Variants in ZNF638 observed in about 807,000 individuals in gnomAD.
The protein encoded by ZNF638 is CTCL tumor antigen se33-1.
A neutral mutation model predicts 195.6 loss-of-function variants in ZNF638; 46 were observed. That is an observed-to-expected ratio of 0.24 (90% CI 0.19 to 0.30). The LOEUF (loss-of-function observed/expected upper bound fraction) is 0.30. ZNF638 is among the 10% of genes least tolerant of loss of function. ZNF638 has a pLI of 1.00. For missense variants in ZNF638, 2,440 were observed against 2,325.3 expected (o/e 1.05, Z -1.01); for synonymous variants, 845 against 772.0 (o/e 1.09, Z -1.57).
At chr2:71,352,785 G>A (rs1187426732) in intron 2 of ZNF638, among the ~76,000 whole-genome samples, 1 of 152,140 alleles carries the variant, frequency 6.6e-6, no homozygotes, top group African/African-American at 2.4e-5. Flanking sequence ...ATGATGTGGA[G>A]TAGGACTTCC....
At chr2:71,371,421 A>G (rs2079310292) in intron 8 of ZNF638, among the ~76,000 whole-genome samples, 1 of 152,154 alleles carries the variant, frequency 6.6e-6, no homozygotes, top group South Asian at 2.1e-4. Context: ...GGACCCTTCA[A>G]AATGTTCTCC....
At chr2:71,365,221 CAATCT>C (rs1558844644) in intron 5 of ZNF638, among the ~76,000 whole-genome samples, 1 of 152,064 alleles carries the variant, frequency 6.6e-6, no homozygotes, top group African/African-American at 2.4e-5. Context: ...AAGTGTAAAG[CAATCT>C]CAAAACCAAA....
intron 10 of ZNF638, chr2:71,395,578 C>A (rs569500573): frequency 1.0e-5 from 6 of 584,520 alleles, no homozygotes; most frequent in Admixed American, 2.5e-5. Context: ...CATCCTATTG[C>A]GCGCAGGACT....
chr2:71,358,954 A>G (rs1471551824), intron 3 of ZNF638, among the ~76,000 whole-genome samples: 3 of 152,204 alleles, frequency 2.0e-5, no homozygotes, highest in Non-Finnish European at 4.4e-5. Context: ...TTTTAGCAAT[A>G]AAGTACTTTT....
chr2:71,363,279 C>G, intron 4 of ZNF638, 88 bp downstream of exon 4: 1 of 1,001,892 alleles, frequency 1.0e-6, no homozygotes, highest in Non-Finnish European at 1.5e-6. Context: ...CTTTTGAGTT[C>G]TACTTCTGCC....
chr2:71,384,243 A>C (rs1275113809), intron 10 of ZNF638, among the ~76,000 whole-genome samples: 1 of 152,182 alleles, frequency 6.6e-6, no homozygotes, highest in Non-Finnish European at 1.5e-5. Context: ...ACTTTGGAAG[A>C]TAGCCTCCTG....
At chr2:71,394,670 G>A (rs560771715) in intron 10 of ZNF638, among the ~76,000 whole-genome samples, 1 of 152,168 alleles carries the variant, frequency 6.6e-6, no homozygotes, top group Admixed American at 6.5e-5. Context: ...AACATGCCCT[G>A]TCCCAGGTCA....
rs765900622 is a variant in ZNF638, at chr2:71,427,246, G to C, written c.5377G>C (p.Glu1793Gln). ...EEDGDNDLKVELAQSKNDHPT... is the reference protein window; with the variant it reads ...EEDGDNDLKVQLAQSKNDHPT... ...AGATGGAGATAATGATTTAAAAGTT[G>C]AGTTAGCACAAAGCAAAAATGACCA... Residue 1793 changes from glutamate to glutamine, a missense_variant, in exon 24 of 28, where the codon GAG becomes CAG. Coordinates refer to ENST00000264447, the MANE Select transcript of ZNF638 (RefSeq NM_014497.5). The C allele has an allele frequency of 1.2e-6, 2 of 1,613,260 alleles. No individual in the cohort carries two copies.
chr2:71,379,772 A>G (rs1475446705), intron 8 of ZNF638: 2 of 152,376 alleles, frequency 1.3e-5, no homozygotes, highest in African/African-American at 4.8e-5. Flanking sequence ...TGGAATGCCT[A>G]ACGAATATGC....
chr2:71,350,326 C>G (rs1013294312), intron 2 of ZNF638, 55 bp downstream of exon 2: 32 of 1,527,312 alleles, frequency 2.1e-5, no homozygotes, highest in Non-Finnish European at 2.8e-5. Flanking sequence ...CCAGTTTTCT[C>G]TAAATTCTGA....
chr2:71,351,599 A>G (rs2078941975), intron 2 of ZNF638, among the ~76,000 whole-genome samples: 2 of 152,236 alleles, frequency 1.3e-5, no homozygotes, highest in Non-Finnish European at 2.9e-5. Flanking sequence ...AATGAATCCA[A>G]GAAAATACAT....
intron 8 of ZNF638, among the ~76,000 whole-genome samples, chr2:71,379,183 T>C (rs540968218): frequency 7.2e-5 from 11 of 152,286 alleles, no homozygotes; most frequent in Admixed American, 2.0e-4. Flanking sequence ...ACTTTAGACA[T>C]TTGAGATGTC....
chr2:71,411,474 A>ATTTTTTTT (rs537942317), intron 20 of ZNF638, among the ~76,000 whole-genome samples: 4 of 122,770 alleles, frequency 3.3e-5, no homozygotes, highest in Admixed American at 8.3e-5. Flanking sequence ...TTTATTTTTA[A>ATTTTTTTT]TTTTTTTTTT....
In ZNF638 at chr2:71,408,205, T is replaced by A; in HGVS notation, c.3219T>A (p.His1073Gln). 1.2e-6 allele frequency: 2 copies of A among 1,613,296 alleles called. No homozygotes were observed. Among genetic ancestry groups the A allele is most frequent in the Non-Finnish European group, 1.7e-6 (2 of 1,179,540 alleles). ...LKQNPQNIGDHMLTCSLSPKI... is the reference protein window; with the variant it reads ...LKQNPQNIGDQMLTCSLSPKI... ...AAAATCCACAAAATATTGGTGACCA[T>A]ATGTTGACCTGCTCATTATCTCCAA... is the stretch of plus-strand genomic sequence containing the variant. Residue 1073 changes from histidine (H) to glutamine (Q), a missense_variant, in exon 20 of 28, where the codon CAT becomes CAA. Transcript: ENST00000264447.
rs1250852237 is a variant in ZNF638, at chr2:71,423,973, A to C, written c.4459A>C (p.Thr1487Pro). ...TTCTAAACTGGATTACAGAGATATA[A>C]CAAAACAATCTCAGGAAACAGAGGC... ...KLSKLDYRDI[T>P]KQSQETEARP... Residue 1487 changes from threonine (T) to proline (P), a missense_variant, in exon 22 of 28, where the codon ACA (threonine) becomes CCA (proline). Thr to Pro is a conservative substitution (Grantham distance 38). Transcript: ENST00000264447. 2 of 1,614,136 alleles carry C rather than the reference A, an allele frequency of 1.2e-6. No individual in the cohort carries two copies. Among genetic ancestry groups the C allele is most frequent in the East Asian group, 2.2e-5 (1 of 44,880 alleles).
In ZNF638 at chr2:71,348,929, T is replaced by TAAATC. The variant is rs777607525; in HGVS notation, c.-24_-20dup. On this transcript the variant is annotated 5_prime_UTR_variant, in exon 2 of 28. Transcript: ENST00000264447. ...GGTTCAACACCACCTTATACTTTAT[T>TAAATC]AAATCAGGCTTTCTTGAAAATAGCC... 9 of 1,614,048 alleles carry TAAATC rather than the reference T, an allele frequency of 5.6e-6. No individual in the cohort carries two copies. Among genetic ancestry groups the TAAATC allele is most frequent in the Non-Finnish European group, 7.6e-6 (9 of 1,180,022 alleles).
intron 1 of ZNF638, chr2:71,334,582 AAG>A (rs1261205539): frequency 6.6e-6 from 1 of 152,222 alleles, no homozygotes; most frequent in Non-Finnish European, 1.5e-5. Context: ...GGAAAGGAAA[AAG>A]AGTGAGGAAA....
At chr2:71,392,063 G>A (rs1267494558) in intron 10 of ZNF638, among the ~76,000 whole-genome samples, 6 of 152,206 alleles carry the variant, frequency 3.9e-5, no homozygotes, top group African/African-American at 1.2e-4. Context: ...TATATGGGCT[G>A]CAGACGATGC....
At chr2:71,426,356 G>A in intron 23 of ZNF638, 104 bp from the exon 24 acceptor site, 1 of 874,808 alleles carries the variant, frequency 1.1e-6, no homozygotes, top group Non-Finnish European at 1.7e-6. Context: ...AATTTGCACT[G>A]AAATTCTCCC....
Sources: allele counts gnomAD v4.1 joint callset (sites outside exome capture counted in the v4.1 genomes callset), GRCh38; gene constraint gnomAD v4.1.1; transcripts MANE v1.5; gene names NCBI Gene and HGNC (gene_info 2026-07-23, HGNC 2026-07-21).